SASH1: variants seen among roughly 807,000 people sequenced by gnomAD.
The protein encoded by SASH1 is SAM and SH3 domain-containing protein 1.
In SASH1, 44 loss-of-function variants were observed where a neutral mutation model predicts 125.2. The ratio of observed to expected loss-of-function variants is 0.35; its 90% CI spans 0.28 to 0.45. The LOEUF (loss-of-function observed/expected upper bound fraction) is 0.45. Among genes scored for constraint, SASH1 ranks in the 20% least tolerant of loss-of-function variants. The pLI, the probability that SASH1 is intolerant of heterozygous loss-of-function variation, is 1.00. For synonymous variants in SASH1, 639 were observed against 649.1 expected, an observed-to-expected ratio of 0.98 and a Z score of 0.24; for missense variants, 1,426 against 1,614.5, an observed-to-expected ratio of 0.88 and a Z score of 2.00.
chr6:148,280,865 G>A (rs144848305), intron 1 of SASH1, among the ~76,000 whole-genome samples: 222 of 152,146 alleles, frequency 1.5e-3, no homozygotes, highest in African/African-American at 5.0e-3. Context: ...ACCTAGTGCC[G>A]GCATAGAGAA....
intron 8 of SASH1, among the ~76,000 whole-genome samples, chr6:148,498,478 T>A: frequency 6.6e-6 from 1 of 151,998 alleles, no homozygotes; most frequent in Non-Finnish European, 1.5e-5. Context: ...ATAACCCAGA[T>A]ACTATATAAT....
chr6:148,438,929 CTG>C (rs944017299), intron 2 of SASH1, among the ~76,000 whole-genome samples: 11 of 152,090 alleles, frequency 7.2e-5, no homozygotes, highest in African/African-American at 2.7e-4. Context: ...TGCTGGATTC[CTG>C]TTCCTTATTT....
chr6:148,462,022 G>C (rs1324970129), intron 4 of SASH1, among the ~76,000 whole-genome samples: 2 of 150,556 alleles, frequency 1.3e-5, no homozygotes, highest in African/African-American at 4.9e-5. Context: ...TAGCACAGAT[G>C]TGTCAGGCTT....
rs919952484 is a variant in SASH1 at position 148,337,445 on chromosome 6, C to T, written n.75-52689C>T. The stretch of plus-strand genomic sequence containing the variant: ...TTCACCACGTTAGCCAGGATGGTCT[C>T]GATCTCCTGACCTCGTGATCCGCCC... On this transcript the variant is annotated intron_variant and non_coding_transcript_variant, in intron 1 of 3. Transcript: ENST00000367469. Among the ~76,000 whole-genome samples, 13 of 152,166 alleles carry T rather than the reference C, an allele frequency of 8.5e-5. No homozygotes were observed. In the South Asian group the frequency reaches 1.0e-3, roughly 12 times the overall value.
At chr6:148,411,644 A>G (rs773983254) in intron 2 of SASH1, among the ~76,000 whole-genome samples, 10 of 152,130 alleles carry the variant, frequency 6.6e-5, no homozygotes, top group Non-Finnish European at 1.5e-4. Flanking sequence ...CCCGGGTTCA[A>G]GCGATTCTTG....
intron 2 of SASH1, among the ~76,000 whole-genome samples, chr6:148,394,120 C>A (rs145520459): frequency 6.6e-6 from 1 of 151,826 alleles, no homozygotes; most frequent in East Asian, 1.9e-4. Flanking sequence ...CTCGAACTCC[C>A]GACCTCAGAT....
chr6:148,392,893 T>G (rs968413790), intron 2 of SASH1, among the ~76,000 whole-genome samples: 1 of 152,172 alleles, frequency 6.6e-6, no homozygotes, highest in Admixed American at 6.6e-5. Context: ...AAAGTAACTT[T>G]ATGTGTCAAA....
At chr6:148,486,341 G>A (rs759504527) in intron 7 of SASH1, among the ~76,000 whole-genome samples, 5 of 152,100 alleles carry the variant, frequency 3.3e-5, no homozygotes, top group Admixed American at 2.6e-4. Flanking sequence ...GGCTGGTCTC[G>A]AACTCCTGAC....
chr6:148,256,455 T>C, the SASH1 span, among the ~76,000 whole-genome samples: 1 of 152,236 alleles, frequency 6.6e-6, no homozygotes, highest in African/African-American at 2.4e-5. Flanking sequence ...TTAAATATAG[T>C]ATATTCTTAA....
intron 1 of SASH1, among the ~76,000 whole-genome samples, chr6:148,352,638 T>TAAAG (rs1198711738): frequency 5.8e-5 from 6 of 103,258 alleles, no homozygotes; most frequent in Non-Finnish European, 1.0e-4. Context: ...AATAAATAAA[T>TAAAG]AAATAGAACT....
rs372505918 is a variant in SASH1, at chr6:148,387,613, T to C, written c.157-2521T>C. Among the ~76,000 whole-genome samples the C allele has an allele frequency of 3.1e-3, 106 of 34,546 alleles. 14 individuals carry two copies. Among genetic ancestry groups the C allele is most frequent in the African/African-American group, 8.1e-3 (59 of 7,254 alleles). The allele number at this position is 34,546 out of a possible 152,430, so 22.7% of individuals were successfully genotyped here. On this transcript the variant is annotated intron_variant, in intron 1 of 19. Transcript: ENST00000367467. ...CTTTCTTTCTTTCTTTCTTTCTTTC[T>C]TTCTTTCTTTCTTTCTTTCTTTCTT...
At chr6:148,202,056 C>T in the SASH1 span, among the ~76,000 whole-genome samples, 3 of 152,044 alleles carry the variant, frequency 2.0e-5, no homozygotes, top group African/African-American at 7.2e-5. Flanking sequence ...ATCAGCCTGA[C>T]CACATGTGGT....
chr6:148,258,768 T>C, the SASH1 span, among the ~76,000 whole-genome samples: 479 of 152,304 alleles, frequency 3.1e-3, 2 homozygotes, highest in African/African-American at 0.011. Flanking sequence ...TCCACAGTTT[T>C]CATTTTATCC....
intron 12 of SASH1, among the ~76,000 whole-genome samples, chr6:148,527,884 A>C (rs1363247284): frequency 6.6e-6 from 1 of 151,922 alleles, no homozygotes; most frequent in Non-Finnish European, 1.5e-5. Flanking sequence ...TCTTCAGTGC[A>C]CTAAGCGTTG....
Position 148,551,670 on chromosome 6 carries a change from G to GA in SASH1, c.*3119dup, listed in dbSNP as rs1782883024. The stretch of plus-strand genomic sequence containing the variant: ...CCATGTGTGTACTGTATTATTTTCA[G>GA]AAAAAAATATAATAGTCTGAGTCCA... On this transcript the variant is annotated 3_prime_UTR_variant, in exon 20 of 20. Coordinates refer to ENST00000367467, the MANE Select transcript of SASH1 (RefSeq NM_015278.5). 4 of 152,318 alleles carry GA rather than the reference G, an allele frequency of 2.6e-5. No individual in the cohort carries two copies. In the South Asian group the frequency reaches 6.2e-4, roughly 24 times the overall value. The allele number at this position is 152,318 out of a possible 1,614,324, so 9.4% of individuals were successfully genotyped here. A position where few individuals can be genotyped will look rare whatever the true frequency, so the allele number is the denominator to read the frequency against.
rs142522553 is a variant in SASH1, at chr6:148,364,992, A to G, written c.156+21769A>G. Among the ~76,000 whole-genome samples, 318 of 152,140 alleles carry G rather than the reference A, an allele frequency of 2.1e-3. 3 individuals are homozygous for G. Among genetic ancestry groups the G allele is most frequent in the Admixed American group, 5.2e-3 (79 of 15,250 alleles). On this transcript the variant is annotated intron_variant, in intron 1 of 19. Coordinates refer to ENST00000367467, the MANE Select transcript of SASH1 (RefSeq NM_015278.5). ...ACAAAAATTAGCCAGGCATGGTGGT[A>G]TGTGCCTGTAATCCCAGCTACTTGA...
chr6:148,548,641 G>A lies in SASH1; in HGVS notation c.*83G>A. ...CTGATGCAATTCCTCCATCATCTCT[G>A]GACGTGCAGACCAGATCCAGAAGAA... On this transcript the variant is annotated 3_prime_UTR_variant, in exon 20 of 20. Transcript: ENST00000367467. 1 of 1,460,628 alleles carries A rather than the reference G, an allele frequency of 6.8e-7. No individual in the cohort carries two copies. The highest frequency in any genetic ancestry group is 2.2e-5 in the Admixed American group (1 of 44,764). 90.5% of individuals were successfully genotyped at this position (1,460,628 alleles called of 1,614,324 possible).
intron 1 of SASH1, among the ~76,000 whole-genome samples, chr6:148,275,651 TCC>T (rs1779163823): frequency 6.6e-6 from 1 of 152,164 alleles, no homozygotes; most frequent in Non-Finnish European, 1.5e-5. Context: ...TATTAGAAAT[TCC>T]CCTCCCTAGC....
chr6:148,371,733 G>A (rs1327115520), intron 1 of SASH1, among the ~76,000 whole-genome samples: 1 of 152,044 alleles, frequency 6.6e-6, no homozygotes, highest in East Asian at 1.9e-4. Context: ...GTGGGGGCAG[G>A]GAACCTCCTG....
Sources: allele counts gnomAD v4.1 joint callset (sites outside exome capture counted in the v4.1 genomes callset), GRCh38; gene constraint gnomAD v4.1.1; transcripts MANE v1.5; gene names NCBI Gene and HGNC (gene_info 2026-07-23, HGNC 2026-07-21).